The following ZC2HC1B variants were observed in gnomAD, a reference collection of about 807,000 sequenced individuals.
ZC2HC1B encodes the protein zinc finger C2HC domain-containing protein 1B.
Under a neutral mutation model 31.0 loss-of-function variants are expected in ZC2HC1B, and 36 were observed. The ratio of observed to expected loss-of-function variants is 1.16; its 90% CI spans 0.89 to 1.54. ZC2HC1B has a LOEUF of 1.54. Ranked by LOEUF, ZC2HC1B falls within the 40% of genes most tolerant of loss-of-function variation. The pLI is 0.00. For missense variants in ZC2HC1B, 260 were observed against 268.6 expected, an observed-to-expected ratio of 0.97 and a Z score of 0.22; for synonymous variants, 73 against 88.0, an observed-to-expected ratio of 0.83 and a Z score of 0.95.
At position 143,898,700 on chromosome 6, in the gene ZC2HC1B, C is replaced by T. The variant is rs780371614; in HGVS notation, c.489+9C>T. ...TGGCATCCAGAGCTCAGGTAACTAT[C>T]TCTCCCCAGGTGTTGGCTCTTGTGC... On this transcript the variant is annotated intron_variant, in intron 5 of 7. Transcript: ENST00000237275. The T allele has an allele frequency of 1.9e-6, 3 of 1,551,926 alleles. No individual in the cohort carries two copies. In the African/African-American group the frequency reaches 4.1e-5, roughly 21 times the overall value.
intron 4 of ZC2HC1B, among the ~76,000 whole-genome samples, chr6:143,889,960 T>C: frequency 6.6e-6 from 1 of 152,174 alleles, no homozygotes; most frequent in Non-Finnish European, 1.5e-5. Flanking sequence ...CATAATATGT[T>C]CTCTGATCAG....
At chr6:143,866,527 T>G (rs927065006) in intron 1 of ZC2HC1B, among the ~76,000 whole-genome samples, 5 of 152,224 alleles carry the variant, frequency 3.3e-5, no homozygotes, top group Non-Finnish European at 7.3e-5. Flanking sequence ...CCATCATAAG[T>G]TGAGGACTGT....
chr6:143,900,067 G>A (rs560713478), intron 5 of ZC2HC1B, among the ~76,000 whole-genome samples: 1 of 152,272 alleles, frequency 6.6e-6, no homozygotes, highest in South Asian at 2.1e-4. Flanking sequence ...GCACCCATCT[G>A]GGGAGCGAAA....
At chr6:143,879,039 C>G (rs1372616420) in intron 1 of ZC2HC1B, among the ~76,000 whole-genome samples, 2 of 152,158 alleles carry the variant, frequency 1.3e-5, no homozygotes, top group African/African-American at 2.4e-5. Flanking sequence ...AGGGCGCGAT[C>G]TAGGAATCTT....
At position 143,893,954 on chromosome 6, in the gene ZC2HC1B, G is replaced by A. The variant is rs149586511; in HGVS notation, c.350-4598G>A. 7.0e-3 allele frequency among the ~76,000 whole-genome samples: 1,068 copies of A among 152,202 alleles called. 9 individuals are homozygous for A. The highest frequency in any genetic ancestry group is 0.023 in the African/African-American group (946 of 41,530). Reference sequence around the variant, plus strand: ...ACCCACCTCAGCCTCCCAAAGTGTTGGGATTACAGGTGTGAGCCACCGCGC... The same window carrying A: ...ACCCACCTCAGCCTCCCAAAGTGTTAGGATTACAGGTGTGAGCCACCGCGC... On this transcript the variant is annotated intron_variant, in intron 4 of 7. Transcript: ENST00000237275.
chr6:143,873,018 T>G (rs1317972751), intron 1 of ZC2HC1B, among the ~76,000 whole-genome samples: 1 of 152,156 alleles, frequency 6.6e-6, no homozygotes, highest in African/African-American at 2.4e-5. Context: ...AACTCCACAG[T>G]CCAAAGTCTC....
rs541541707 is a variant in ZC2HC1B, at chr6:143,925,301, G to A, written c.599-12348G>A. On this transcript the variant is annotated intron_variant, in intron 6 of 7. Coordinates refer to ENST00000237275, the MANE Select transcript of ZC2HC1B (RefSeq NM_001013623.3). ...CGCCATTCTCCTGCGTCAGCCTCCC[G>A]AGCAGCTGGGAGTATAGGCACCCGC... is the stretch of plus-strand genomic sequence containing the variant. Among the ~76,000 whole-genome samples, 75 of 147,930 alleles carry A rather than the reference G, an allele frequency of 5.1e-4. 1 individual carries two copies. The East Asian group carries it at 0.01, about 20-fold the overall frequency.
intron 6 of ZC2HC1B, among the ~76,000 whole-genome samples, chr6:143,925,730 G>A (rs1182405160): frequency 4.0e-5 from 6 of 151,370 alleles, no homozygotes; most frequent in Non-Finnish European, 8.8e-5. Flanking sequence ...GTAGAGATGG[G>A]GTTTCTCCAT....
chr6:143,886,798 C>A lies in ZC2HC1B; in HGVS notation c.326C>A (p.Pro109Gln). 1 of 1,539,466 alleles carries A rather than the reference C, an allele frequency of 6.5e-7. No homozygotes were observed. The highest frequency in any genetic ancestry group is 8.8e-7 in the Non-Finnish European group (1 of 1,141,570). The change falls in exon 4 of 8, where the codon CCA (proline) becomes CAA (glutamine). Residue 109 changes from proline to glutamine, a missense_variant. Pro to Gln is a moderately conservative substitution (Grantham distance 76, BLOSUM62 -1). Transcript: ENST00000237275. This position sits in a 1 kb window ranked among gnomAD's most constrained non-coding sequence, Gnocchi z 4.2. The part of the protein sequence containing the change: ...AIKEGRPLPP[P>Q]PPPSLNPDYI... The stretch of plus-strand genomic sequence containing the variant: ...AAAGAAGGCCGACCCCTCCCACCTC[C>A]ACCCCCTCCATCCTTGAACCCAGGT...
intron 6 of ZC2HC1B, among the ~76,000 whole-genome samples, chr6:143,914,345 G>T (rs1343962722): frequency 6.6e-6 from 1 of 151,840 alleles, no homozygotes; most frequent in East Asian, 1.9e-4. Flanking sequence ...TGATAACATT[G>T]GTTGCTTAAG....
rs1040232158 is a variant in ZC2HC1B, at chr6:143,917,783, T to C, written c.598+14631T>C. Among the ~76,000 whole-genome samples, 1 of 152,240 alleles carries C rather than the reference T, an allele frequency of 6.6e-6. No homozygotes were observed. The stretch of plus-strand genomic sequence containing the variant: ...GGTCCCAAGCATTTCAGATAAGGGA[T>C]CCTTAATTTGTGCTTTGTATAGTAA... On this transcript the variant is annotated intron_variant, in intron 6 of 7. Coordinates refer to ENST00000237275, the MANE Select transcript of ZC2HC1B (RefSeq NM_001013623.3). This position sits in a 1 kb window ranked among gnomAD's most constrained non-coding sequence, Gnocchi z 4.1.
chr6:143,891,692 T>G (rs1369345428), intron 4 of ZC2HC1B, among the ~76,000 whole-genome samples: 2 of 119,690 alleles, frequency 1.7e-5, no homozygotes, highest in East Asian at 4.6e-4. Flanking sequence ...AAACTCTGTC[T>G]CAAAAAAAAA....
chr6:143,918,428 C>A lies in ZC2HC1B; in HGVS notation c.598+15276C>A, dbSNP rs142171317. On this transcript the variant is annotated intron_variant, in intron 6 of 7. Transcript: ENST00000237275. This position sits in a 1 kb window ranked among gnomAD's most constrained non-coding sequence, Gnocchi z 4.1. ...TCCATGGTTTCTGATGAGAAGTCTG[C>A]TGATCTTATTGAACATTCCTGGTTT... Among the ~76,000 whole-genome samples the A allele has an allele frequency of 6.6e-6, 1 of 152,168 alleles. No individual in the cohort carries two copies. Among genetic ancestry groups the A allele is most frequent in the African/African-American group, 2.4e-5 (1 of 41,442 alleles).
In ZC2HC1B at chr6:143,865,819, AC is replaced by A. The variant is rs1229001792; in HGVS notation, c.28+1253del. Among the ~76,000 whole-genome samples the A allele has an allele frequency of 6.6e-6, 1 of 151,788 alleles. No individual in the cohort carries two copies. Among genetic ancestry groups the A allele is most frequent in the Admixed American group, 6.6e-5 (1 of 15,238 alleles). On this transcript the variant is annotated intron_variant, in intron 1 of 7. Coordinates refer to ENST00000237275, the MANE Select transcript of ZC2HC1B (RefSeq NM_001013623.3). The surrounding 1 kb of genome is among the most constrained non-coding windows in gnomAD (Gnocchi z 4.4). ...AAATCTTGAAGAATTTGTATCTTAA[AC>A]TTTTTTTTTTTGCCAAGACAGGTCT...
At chr6:143,881,522 G>T (rs1017546625) in intron 1 of ZC2HC1B, among the ~76,000 whole-genome samples, 2 of 124,670 alleles carry the variant, frequency 1.6e-5, no homozygotes, top group Admixed American at 2.1e-4. Flanking sequence ...CTGTACCCTA[G>T]CCTGGGTGAA....
intron 6 of ZC2HC1B, among the ~76,000 whole-genome samples, chr6:143,925,342 A>AT (rs1301917687): frequency 6.7e-6 from 1 of 149,746 alleles, no homozygotes; most frequent in Non-Finnish European, 1.5e-5. Context: ...TGCCTGGCTA[A>AT]TTTTTTGTAT....
chr6:143,879,514 C>T (rs1329314994), intron 1 of ZC2HC1B, among the ~76,000 whole-genome samples: 1 of 152,122 alleles, frequency 6.6e-6, no homozygotes, highest in Admixed American at 6.5e-5. Flanking sequence ...TGCCATAGGG[C>T]CTAGGAAGAT....
intron 6 of ZC2HC1B, among the ~76,000 whole-genome samples, chr6:143,914,802 T>G (rs1353295515): frequency 6.6e-6 from 1 of 152,156 alleles, no homozygotes; most frequent in Non-Finnish European, 1.5e-5. Context: ...AATATTAGTG[T>G]GGCCACTAAT....
intron 1 of ZC2HC1B, among the ~76,000 whole-genome samples, chr6:143,874,728 C>T (rs943087572): frequency 6.6e-6 from 1 of 152,168 alleles, no homozygotes; most frequent in Non-Finnish European, 1.5e-5. Flanking sequence ...AATTACCTTC[C>T]CCTGGGTCCC....
Sources: allele counts gnomAD v4.1 joint callset (sites outside exome capture counted in the v4.1 genomes callset), GRCh38; gene constraint gnomAD v4.1.1; non-coding constraint Gnocchi (gnomAD v3.1); transcripts MANE v1.5; gene names NCBI Gene and HGNC (gene_info 2026-07-23, HGNC 2026-07-21).